ZNF670: variants seen among roughly 807,000 people sequenced by gnomAD.
ZNF670 encodes zinc finger protein 670.
In ZNF670, 7 loss-of-function variants were observed where a neutral mutation model predicts 10.9. That is an observed-to-expected ratio of 0.64 (90% CI 0.36 to 1.20). ZNF670 has a LOEUF of 1.20. ZNF670 is among the 50% of genes most tolerant of loss of function. The probability of loss-of-function intolerance (pLI) is 0.02; values close to 1 mark genes in which losing one functional copy is unlikely to be tolerated. For missense variants in ZNF670, 446 were observed against 458.6 expected (o/e 0.97, Z 0.25); for synonymous variants, 136 against 152.7 (o/e 0.89, Z 0.81).
At chr1:247,054,418 G>A (rs1001049630) in intron 1 of ZNF670, among the ~76,000 whole-genome samples, 4 of 152,212 alleles carry the variant, frequency 2.6e-5, no homozygotes, top group Non-Finnish European at 5.9e-5. Flanking sequence ...GAGGAGAGGC[G>A]AGGGAAGAGT....
At chr1:247,044,630 GA>G (rs1670396786) in intron 1 of ZNF670, among the ~76,000 whole-genome samples, 1 of 152,154 alleles carries the variant, frequency 6.6e-6, no homozygotes, top group Admixed American at 6.5e-5. Context: ...GCAGCTATAA[GA>G]AATTAAATCA....
intron 1 of ZNF670, among the ~76,000 whole-genome samples, chr1:247,059,504 TAA>T (rs1414144515): frequency 6.6e-6 from 1 of 151,576 alleles, no homozygotes; most frequent in Non-Finnish European, 1.5e-5. Flanking sequence ...AAAAATAAAA[TAA>T]AAAATATACA....
intron 1 of ZNF670, 146 bp downstream of exon 1, chr1:247,078,448 G>A: frequency 9.9e-7 from 1 of 1,014,990 alleles, no homozygotes; most frequent in South Asian, 1.6e-5. Context: ...GTCTGGCTGC[G>A]GGTCCAGCCC....
intron 1 of ZNF670, among the ~76,000 whole-genome samples, chr1:247,057,062 A>G (rs1336619523): frequency 6.6e-6 from 1 of 152,204 alleles, no homozygotes; most frequent in Admixed American, 6.5e-5. Flanking sequence ...TGAAAAGACA[A>G]CATACAGAAT....
At chr1:247,039,062 T>TTC (rs1222367866) in intron 2 of ZNF670, among the ~76,000 whole-genome samples, 192 bp from the exon 3 acceptor site, 2 of 120,246 alleles carry the variant, frequency 1.7e-5, no homozygotes, top group Non-Finnish European at 3.6e-5. Flanking sequence ...CTTTCTTTCT[T>TTC]TTTTTTTTTT....
Position 247,038,058 on chromosome 1 carries a change from A to T in ZNF670, c.561T>A (p.Pro187=), listed in dbSNP as rs748149750. 2.6e-5 allele frequency: 42 copies of T among 1,614,034 alleles called. 1 individual carries two copies. In the South Asian group the frequency reaches 4.6e-4, roughly 18 times the overall value. Reference sequence around the variant, plus strand: ...TTTTCTCTCCAGTGTAAGTGCTCTGAGGCATTTGAAATACACTAGGAAAAT... The same window carrying T: ...TTTTCTCTCCAGTGTAAGTGCTCTGTGGCATTTGAAATACACTAGGAAAAT... ...PFDFPSVFQM[P]QSTYTGEKTY... The change falls in exon 4 of 4, where the codon CCT becomes CCA. Residue 187 remains proline, a synonymous_variant. Coordinates refer to ENST00000366503, the MANE Select transcript of ZNF670 (RefSeq NM_033213.5).
At chr1:247,046,268 A>G (rs1460540108) in intron 1 of ZNF670, among the ~76,000 whole-genome samples, 3 of 152,234 alleles carry the variant, frequency 2.0e-5, no homozygotes, top group Non-Finnish European at 4.4e-5. Context: ...CATGAGGCTA[A>G]GAAAAAGACC....
In ZNF670 at chr1:247,055,144, G is replaced by C. The variant is rs183750401; in HGVS notation, c.4-15607C>G. On this transcript the variant is annotated intron_variant, in intron 1 of 3. Transcript: ENST00000366503. Reference sequence around the variant, plus strand: ...CATACCTCCAGCTACACTGATAAGGGAACAAGACCCAACACAGAAACACCT... The same window carrying C: ...CATACCTCCAGCTACACTGATAAGGCAACAAGACCCAACACAGAAACACCT... Among the ~76,000 whole-genome samples the C allele has an allele frequency of 1.0e-3, 153 of 152,336 alleles. 1 individual carries two copies. The highest frequency in any genetic ancestry group is 3.6e-3 in the African/African-American group (150 of 41,580).
At chr1:247,043,012 C>G in intron 1 of ZNF670, 1 of 797,554 alleles carries the variant, frequency 1.3e-6, no homozygotes. Flanking sequence ...GAAAGTGAAT[C>G]CATACAAGAT....
rs76400220 is a variant in ZNF670 at position 247,060,959 on chromosome 1, C to T, written c.3+17635G>A. ...GTGGACATTTCCTTTACAGTATTTC[C>T]GCTGACCATGCATTTGTTTTATATA... On this transcript the variant is annotated intron_variant, in intron 1 of 3. Coordinates refer to ENST00000366503, the MANE Select transcript of ZNF670 (RefSeq NM_033213.5). Among the ~76,000 whole-genome samples, 818 of 152,166 alleles carry T rather than the reference C, an allele frequency of 5.4e-3. 4 individuals are homozygous for T. Among genetic ancestry groups the T allele is most frequent in the Non-Finnish European group, 8.2e-3 (555 of 68,006 alleles).
chr1:247,043,829 T>C, intron 1 of ZNF670: 2 of 349,254 alleles, frequency 5.7e-6, no homozygotes, highest in South Asian at 2.4e-5. Flanking sequence ...ATAAGCCTCA[T>C]CTGCCATGAA....
intron 1 of ZNF670, chr1:247,043,791 T>C (rs1472155086): frequency 2.7e-6 from 1 of 371,070 alleles, no homozygotes; most frequent in Non-Finnish European, 5.3e-6. Flanking sequence ...AGAAACTGGA[T>C]CGGTTTGATC....
rs546631774 is a variant in ZNF670 at position 247,034,964 on chromosome 1, C to T, written c.*2485G>A. On this transcript the variant is annotated 3_prime_UTR_variant, in exon 4 of 4. Transcript: ENST00000366503. ...GTGGAACATACATCCTCCTGGGGAACGGCTGGTCAACCAGTCATGTCTAGG... is the reference window on the plus strand; with the variant it reads ...GTGGAACATACATCCTCCTGGGGAATGGCTGGTCAACCAGTCATGTCTAGG... Among the ~76,000 whole-genome samples, 40 of 152,296 alleles carry T rather than the reference C, an allele frequency of 2.6e-4. No individual in the cohort carries two copies. Among genetic ancestry groups the T allele is most frequent in the South Asian group, 1.0e-3 (5 of 4,828 alleles).
In ZNF670 at chr1:247,078,720, A is replaced by T; in HGVS notation, c.-124T>A. 1 of 1,069,860 alleles carries T rather than the reference A, an allele frequency of 9.3e-7. No individual in the cohort carries two copies. Among genetic ancestry groups the T allele is most frequent in the South Asian group, 1.4e-5 (1 of 69,518 alleles). 66.3% of individuals were successfully genotyped at this position (1,069,860 alleles called of 1,614,324 possible). ...GGGATAAGGGGAAGGAGCAGCGGAG[A>T]CGCACCGAGCTCGCCACATTCGCGC... On this transcript the variant is annotated 5_prime_UTR_variant, in exon 1 of 4. Transcript: ENST00000366503.
intron 1 of ZNF670, among the ~76,000 whole-genome samples, chr1:247,055,785 C>T (rs57161980): frequency 0.028 from 4,212 of 152,128 alleles, 197 homozygotes; most frequent in African/African-American, 0.094. Context: ...CTTCACCTAT[C>T]AAGACACATA....
At chr1:247,073,849 C>G (rs1671192556) in intron 1 of ZNF670, among the ~76,000 whole-genome samples, 1 of 152,276 alleles carries the variant, frequency 6.6e-6, no homozygotes, top group African/African-American at 2.4e-5. Flanking sequence ...GTTCCCATCA[C>G]CCCTTCCTCA....
At chr1:247,068,661 A>T (rs1671047612) in intron 1 of ZNF670, among the ~76,000 whole-genome samples, 2 of 150,770 alleles carry the variant, frequency 1.3e-5, no homozygotes, top group Non-Finnish European at 1.5e-5. Context: ...ACTGCTGGGT[A>T]TATACCCAAA....
At position 247,038,338 on chromosome 1, in the gene ZNF670, T is replaced by A. The variant is rs1240846795; in HGVS notation, c.281A>T (p.Lys94Met). 1.2e-6 allele frequency: 2 copies of A among 1,614,198 alleles called. No homozygotes were observed. The highest frequency in any genetic ancestry group is 8.5e-7 in the Non-Finnish European group (1 of 1,180,024). The change falls in exon 4 of 4, where the codon AAG (lysine) becomes ATG (methionine). Residue 94 changes from lysine to methionine, a missense_variant. By Grantham distance (95) the Lys-to-Met change is moderately conservative (BLOSUM62 -1). Transcript: ENST00000366503. ...FSQDSNLNLN[K>M]KVSTGVKPCE... ...TGGCTTTACTCCAGTAGAAACTTTC[T>A]TATTCAGATTCAAATTTGAATCCTG... is the stretch of plus-strand genomic sequence containing the variant.
chr1:247,059,377 C>T (rs936033697), intron 1 of ZNF670, among the ~76,000 whole-genome samples: 10 of 152,030 alleles, frequency 6.6e-5, no homozygotes, highest in African/African-American at 2.4e-4. Flanking sequence ...ACCTGGGAGG[C>T]TGAGCTTGCA....
Sources: allele counts gnomAD v4.1 joint callset (sites outside exome capture counted in the v4.1 genomes callset), GRCh38; gene constraint gnomAD v4.1.1; transcripts MANE v1.5; gene names NCBI Gene and HGNC (gene_info 2026-07-23, HGNC 2026-07-21).